PTPN23: variants seen among roughly 807,000 people sequenced by gnomAD.
PTPN23 encodes tyrosine-protein phosphatase non-receptor type 23.
Under a neutral mutation model 156.3 loss-of-function variants are expected in PTPN23, and 72 were observed. The observed-to-expected ratio is 0.46, with a 90% confidence interval of 0.38 to 0.56. The LOEUF is 0.56. Ranked by LOEUF, PTPN23 falls within the 20% of genes least tolerant of loss-of-function variation. PTPN23 has a pLI of 0.00. For synonymous variants in PTPN23, 957 were observed against 899.6 expected, an observed-to-expected ratio of 1.06 and a Z score of -1.14; for missense variants, 1,974 against 2,171.5, an observed-to-expected ratio of 0.91 and a Z score of 1.81.
chr3:47,407,649 C>G lies in PTPN23; in HGVS notation c.1004-48C>G. The G allele has an allele frequency of 6.2e-7, 1 of 1,607,072 alleles. No individual in the cohort carries two copies. The highest frequency in any genetic ancestry group is 8.5e-7 in the Non-Finnish European group (1 of 1,173,880). The stretch of plus-strand genomic sequence containing the variant: ...GTGGGGACAGGACACAGGAGGCTGC[C>G]TCAAGGACTCTGCGTGGGCCTGATC... On this transcript the variant is annotated intron_variant, in intron 12 of 24. Transcript: ENST00000265562. The surrounding 1 kb of genome is among the most constrained non-coding windows in gnomAD (Gnocchi z 4.0).
At chr3:47,389,537 G>A (rs911002597) in intron 1 of PTPN23, among the ~76,000 whole-genome samples, 1 of 152,068 alleles carries the variant, frequency 6.6e-6, no homozygotes, top group Non-Finnish European at 1.5e-5. Context: ...GGTGGATCAC[G>A]AAGTCAAGGG....
intron 2 of PTPN23, among the ~76,000 whole-genome samples, chr3:47,399,088 G>A (rs553716545): frequency 6.6e-6 from 1 of 152,242 alleles, no homozygotes; most frequent in Non-Finnish European, 1.5e-5. Flanking sequence ...GCTTACAGCC[G>A]TGGAGGGAGG....
In PTPN23 at chr3:47,384,111, C is replaced by CTT. The variant is rs112958005; in HGVS notation, c.84+2942_84+2943dup. On this transcript the variant is annotated intron_variant, in intron 1 of 24. Transcript: ENST00000265562. ...GATAAGCAGACAAGTAAGAGACAGC[C>CTT]TTTTTTTTTTTTCAAGGAATTCATA... Among the ~76,000 whole-genome samples the CTT allele has an allele frequency of 0.019, 2,811 of 146,268 alleles. 192 individuals are homozygous for CTT. The East Asian group carries it at 0.23, about 12-fold the overall frequency.
In PTPN23 at chr3:47,411,258, C is replaced by T. The variant is rs762256197; in HGVS notation, c.3460C>T (p.Pro1154Ser). Residue 1154 changes from proline to serine, a missense_variant, in exon 20 of 25, where the codon CCG (proline) becomes TCG (serine). Pro to Ser is a moderately conservative substitution (Grantham distance 74). Coordinates refer to ENST00000265562, the MANE Select transcript of PTPN23 (RefSeq NM_015466.4). The surrounding 1 kb of genome is among the most constrained non-coding windows in gnomAD (Gnocchi z 6.3). ...GGTGGATGCAGCTGAGGGTCGTCGG[C>T]CGCAGGCCCTGCGGCTGATTGAGCG... ...TKVDAAEGRRPQALRLIERDP... is the reference protein window; with the variant it reads ...TKVDAAEGRRSQALRLIERDP... The T allele has an allele frequency of 3.7e-6, 6 of 1,609,358 alleles. No homozygotes were observed. In the African/African-American group the frequency reaches 6.7e-5, roughly 18 times the overall value.
rs1304932453 is a variant in PTPN23, at chr3:47,411,688, TGAG to T, written c.3888+3_3888+5del. 3.8e-6 allele frequency: 6 copies of T among 1,599,612 alleles called. No homozygotes were observed. Among genetic ancestry groups the T allele is most frequent in the South Asian group, 3.3e-5 (3 of 90,406 alleles). Reference sequence around the variant, plus strand: ...GTTTCTGAGGCTGAGATGGAGAAGGTGAGAAGAGGGGGTGGGTGCCCACGAGGG... The same window carrying T: ...GTTTCTGAGGCTGAGATGGAGAAGGTAAGAGGGGGTGGGTGCCCACGAGGG... On this transcript the variant is annotated splice_donor_5th_base_variant and intron_variant, in intron 20 of 24. Coordinates refer to ENST00000265562, the MANE Select transcript of PTPN23 (RefSeq NM_015466.4). The surrounding 1 kb of genome is among the most constrained non-coding windows in gnomAD (Gnocchi z 6.3).
At position 47,411,199 on chromosome 3, in the gene PTPN23, C is replaced by T. The variant is rs780178911; in HGVS notation, c.3401C>T (p.Pro1134Leu). 6 of 1,604,240 alleles carry T rather than the reference C, an allele frequency of 3.7e-6. No homozygotes were observed. In the African/African-American group the frequency reaches 4.0e-5, roughly 11 times the overall value. Residue 1134 changes from proline to leucine, a missense_variant, in exon 20 of 25, where the codon CCT becomes CTT. Around this residue, in one of 4 missense-constraint regions of PTPN23, gnomAD observed 731 missense variants for 669.1 expected, o/e 1.09. Transcript: ENST00000265562. The surrounding 1 kb of genome is among the most constrained non-coding windows in gnomAD (Gnocchi z 6.3). ...PESQHGGTQS[P>L]GGGQPLLQPT... ...AGCCAGCATGGCGGCACTCAGTCTCCTGGGGGTGGGCAGCCCCTGCTGCAG... is the reference window on the plus strand; with the variant it reads ...AGCCAGCATGGCGGCACTCAGTCTCTTGGGGGTGGGCAGCCCCTGCTGCAG...
intron 1 of PTPN23, among the ~76,000 whole-genome samples, chr3:47,389,840 CAAAAAAAAAA>C (rs34520125): frequency 3.7e-4 from 12 of 32,358 alleles, no homozygotes; most frequent in Non-Finnish European, 7.4e-4. Context: ...GACTCCGTCT[CAAAAAAAAAA>C]AAAAAAAAAA....
rs1380347709 is a variant in PTPN23, at chr3:47,411,099, C to T, written c.3301C>T (p.Pro1101Ser). 4 of 1,603,964 alleles carry T rather than the reference C, an allele frequency of 2.5e-6. No homozygotes were observed. Among genetic ancestry groups the T allele is most frequent in the Non-Finnish European group, 3.4e-6 (4 of 1,176,138 alleles). ...SPGPGPVPPR[P>S]PAAEPPPCLR... Reference sequence around the variant, plus strand: ...AGGGCCTGGTCCGGTACCCCCTCGCCCCCCAGCAGCAGAACCACCCCCTTG... The same window carrying T: ...AGGGCCTGGTCCGGTACCCCCTCGCTCCCCAGCAGCAGAACCACCCCCTTG... Residue 1101 changes from proline (P) to serine (S), a missense_variant, in exon 20 of 25, where the codon CCC (proline) becomes TCC (serine). This residue lies in a region of PTPN23 where 731 missense variants were observed against 669.1 expected (regional missense o/e 1.09). Transcript: ENST00000265562. The surrounding 1 kb of genome is among the most constrained non-coding windows in gnomAD (Gnocchi z 6.3).
At chr3:47,398,677 C>T (rs562562918) in intron 2 of PTPN23, among the ~76,000 whole-genome samples, 1 of 152,200 alleles carries the variant, frequency 6.6e-6, no homozygotes, top group South Asian at 2.1e-4. Context: ...ACCATCCTCC[C>T]ACTGCAGCCC....
Position 47,396,168 on chromosome 3 carries a change from AC to A in PTPN23, c.113del (p.Pro38GlnfsTer8), listed in dbSNP as rs1271860828. On this transcript the variant is annotated frameshift_variant, in exon 2 of 25. Coordinates refer to ENST00000265562, the MANE Select transcript of PTPN23 (RefSeq NM_015466.4). LOFTEE classifies it high-confidence loss of function. ...TTTGTCCTGAAGAATTATGGAGAGA[AC>A]CCAGAAGCCTACAATGAAGAACTGA... ...KKFVLKNYGE[N>X]PEAYNEELKK... 6.2e-7 allele frequency: 1 copy of A among 1,613,280 alleles called. No individual in the cohort carries two copies. The highest frequency in any genetic ancestry group is 8.5e-7 in the Non-Finnish European group (1 of 1,179,390).
chr3:47,407,017 C>A lies in PTPN23; in HGVS notation c.808-113C>A. On this transcript the variant is annotated intron_variant, in intron 9 of 24. Transcript: ENST00000265562. The surrounding 1 kb of genome is among the most constrained non-coding windows in gnomAD (Gnocchi z 4.0). Reference sequence around the variant, plus strand: ...TGCTGTTGGCTGGGGTGGTGCCCGGCTGCCTCCTGAGCTGCTTGTCATCTG... The same window carrying A: ...TGCTGTTGGCTGGGGTGGTGCCCGGATGCCTCCTGAGCTGCTTGTCATCTG... 7.1e-7 allele frequency: 1 copy of A among 1,401,140 alleles called. No homozygotes were observed. The highest frequency in any genetic ancestry group is 9.9e-7 in the Non-Finnish European group (1 of 1,008,994). 86.8% of individuals were successfully genotyped at this position (1,401,140 alleles called of 1,614,324 possible).
At chr3:47,390,072 C>CA (rs891612283) in intron 1 of PTPN23, among the ~76,000 whole-genome samples, 1,104 of 48,690 alleles carry the variant, frequency 0.023, 14 homozygotes, top group African/African-American at 0.035. Context: ...GACTCCGTCT[C>CA]AAAAAAAAAA....
chr3:47,381,269 C>T lies in PTPN23; in HGVS notation c.84+89C>T. 4 of 1,513,648 alleles carry T rather than the reference C, an allele frequency of 2.6e-6. No individual in the cohort carries two copies. In the Admixed American group the frequency reaches 6.0e-5, roughly 23 times the overall value. The allele number at this position is 1,513,648 out of a possible 1,614,324, so 93.8% of individuals were successfully genotyped here. ...CGCCCCCCTGCGCGCCCATCACCTC[C>T]TCAGGCCCGGTCGCAGGGTCCGGTG... On this transcript the variant is annotated intron_variant, in intron 1 of 24. Coordinates refer to ENST00000265562, the MANE Select transcript of PTPN23 (RefSeq NM_015466.4).
At position 47,407,720 on chromosome 3, in the gene PTPN23, C is replaced by G. The variant is rs1362000697; in HGVS notation, c.1027C>G (p.Pro343Ala). Residue 343 changes from proline (P) to alanine (A), a missense_variant, in exon 13 of 25, where the codon CCA (proline) becomes GCA (alanine). Pro to Ala is a conservative substitution (Grantham distance 27). Coordinates refer to ENST00000265562, the MANE Select transcript of PTPN23 (RefSeq NM_015466.4). This position sits in a 1 kb window ranked among gnomAD's most constrained non-coding sequence, Gnocchi z 4.0. ...VKGAPLVKPLPVNPTDPAVTG... is the reference protein window; with the variant it reads ...VKGAPLVKPLAVNPTDPAVTG... ...AGGAGCCCCCTTGGTGAAGCCCTTG[C>G]CAGTGAACCCCACAGACCCAGCTGT... 1 of 1,613,772 alleles carries G rather than the reference C, an allele frequency of 6.2e-7. No individual in the cohort carries two copies. The highest frequency in any genetic ancestry group is 8.5e-7 in the Non-Finnish European group (1 of 1,179,720).
At chr3:47,412,675 C>T in intron 24 of PTPN23, 31 bp from the exon 25 acceptor site, 2 of 1,600,468 alleles carry the variant, frequency 1.2e-6, no homozygotes, top group Non-Finnish European at 1.7e-6. Flanking sequence ...AGCCTTGGGA[C>T]TCCCTCTCCT....
intron 2 of PTPN23, among the ~76,000 whole-genome samples, chr3:47,402,898 G>T (rs535280102): frequency 3.9e-5 from 6 of 152,070 alleles, no homozygotes; most frequent in African/African-American, 1.4e-4. Context: ...TAGAGACGGG[G>T]TTTCACCATG....
Position 47,411,909 on chromosome 3 carries a change from C to A in PTPN23, c.4015C>A (p.Arg1339=). The change falls in exon 21 of 25, where the codon CGA becomes AGA. Residue 1339 remains arginine (R), a synonymous_variant. Coordinates refer to ENST00000265562, the MANE Select transcript of PTPN23 (RefSeq NM_015466.4). The surrounding 1 kb of genome is among the most constrained non-coding windows in gnomAD (Gnocchi z 6.3). The part of the protein sequence containing the change: ...HVERVLSLQF[R]DQSLKRSLVH... ...GGAGCGCGTGCTGAGCCTGCAGTTC[C>A]GAGACCAGAGCCTCAAGCGCTCTCT... The A allele has an allele frequency of 6.2e-7, 1 of 1,613,442 alleles. No homozygotes were observed. The highest frequency in any genetic ancestry group is 1.1e-5 in the South Asian group (1 of 91,072).
chr3:47,401,087 G>C (rs1157772861), intron 2 of PTPN23, among the ~76,000 whole-genome samples: 1 of 151,920 alleles, frequency 6.6e-6, no homozygotes, highest in Non-Finnish European at 1.5e-5. Flanking sequence ...ATTTTTAGTA[G>C]AGACAGGGTT....
rs758841754 is a variant in PTPN23 at position 47,409,804 on chromosome 3, G to A, written c.2099G>A (p.Arg700His). The change falls in exon 19 of 25, where the codon CGC becomes CAC. Residue 700 changes from arginine to histidine, a missense_variant. By Grantham distance (29) the Arg-to-His change is conservative. Coordinates refer to ENST00000265562, the MANE Select transcript of PTPN23 (RefSeq NM_015466.4). Reference sequence around the variant, plus strand: ...CGCACGCAGTCCACCTGCCAGGCCCGCGAGGCTGCCCGCCAGCAGCTCCTG... The same window carrying A: ...CGCACGCAGTCCACCTGCCAGGCCCACGAGGCTGCCCGCCAGCAGCTCCTG... ...LERTQSTCQA[R>H]EAARQQLLDR... The A allele has an allele frequency of 2.5e-6, 4 of 1,609,170 alleles. No homozygotes were observed. Among genetic ancestry groups the A allele is most frequent in the East Asian group, 2.2e-5 (1 of 44,844 alleles).
Sources: allele counts gnomAD v4.1 joint callset (sites outside exome capture counted in the v4.1 genomes callset), GRCh38; gene constraint gnomAD v4.1.1; regional missense constraint gnomAD v4.1.1; non-coding constraint Gnocchi (gnomAD v3.1); transcripts MANE v1.5; gene names NCBI Gene and HGNC (gene_info 2026-07-23, HGNC 2026-07-21).